The following NTRK3 variants were observed in gnomAD, a reference collection of about 807,000 sequenced individuals.
NTRK3 encodes neurotrophic receptor tyrosine kinase 3, also known as NT-3 growth factor receptor.
NTRK3 carries 24 observed loss-of-function variants against 91.7 expected under a neutral mutation model. The ratio of observed to expected loss-of-function variants is 0.26; its 90% CI spans 0.19 to 0.37. The LOEUF (loss-of-function observed/expected upper bound fraction) is 0.37, where lower values mean the gene tolerates loss of function less well. Among genes scored for constraint, NTRK3 ranks in the 10% least tolerant of loss-of-function variants. NTRK3 has a pLI of 1.00. For missense variants in NTRK3, 880 were observed against 1,068.9 expected (o/e 0.82, Z 2.46); for synonymous variants, 483 against 404.0 (o/e 1.20, Z -2.34).
chr15:87,979,078 T>C (rs962665526), intron 14 of NTRK3: 3 of 557,008 alleles, frequency 5.4e-6, no homozygotes, highest in African/African-American at 1.9e-5. Context: ...ATTCTCTTTA[T>C]TGGCTCTAAA....
chr15:88,033,135 C>T (rs1030825380), intron 13 of NTRK3, 90 bp from the exon 14 acceptor site: 1 of 1,102,516 alleles, frequency 9.1e-7, no homozygotes, highest in Admixed American at 2.3e-5. Context: ...ACTACTGTTC[C>T]CATCACAAAC....
intron 13 of NTRK3, among the ~76,000 whole-genome samples, chr15:88,035,479 T>C (rs2078992421): frequency 6.6e-6 from 1 of 152,182 alleles, no homozygotes; most frequent in African/African-American, 2.4e-5. Context: ...AATACATCTC[T>C]GGATGAATTC....
At chr15:88,126,581 G>A (rs377107578) in intron 12 of NTRK3, among the ~76,000 whole-genome samples, 1 of 152,194 alleles carries the variant, frequency 6.6e-6, no homozygotes, top group Non-Finnish European at 1.5e-5. Context: ...AATTTGATTA[G>A]AGAAAGTTCC....
intron 3 of NTRK3, among the ~76,000 whole-genome samples, chr15:88,187,158 G>A (rs1449912899): frequency 1.3e-5 from 2 of 152,142 alleles, no homozygotes; most frequent in Non-Finnish European, 2.9e-5. Flanking sequence ...TCAGGCTTCT[G>A]CTGGAAGTTG....
At chr15:88,222,866 G>A (rs1235773405) in intron 3 of NTRK3, among the ~76,000 whole-genome samples, 1 of 152,192 alleles carries the variant, frequency 6.6e-6, no homozygotes, top group African/African-American at 2.4e-5. Context: ...GAGGCTCAAT[G>A]ACTCACTGAA....
At chr15:88,003,292 C>A (rs376718591) in intron 14 of NTRK3, among the ~76,000 whole-genome samples, 17 of 152,154 alleles carry the variant, frequency 1.1e-4, no homozygotes, top group East Asian at 9.6e-4. Context: ...AACCTGTAGA[C>A]CTGCTGACCA....
At chr15:88,098,594 G>A (rs1053147237) in intron 13 of NTRK3, 1 of 230,680 alleles carries the variant, frequency 4.3e-6, no homozygotes, top group Non-Finnish European at 8.6e-6. Flanking sequence ...GAGGGCCCCA[G>A]ATAGCGGGCC....
At chr15:88,112,458 G>A (rs910724813) in intron 13 of NTRK3, among the ~76,000 whole-genome samples, 1 of 152,154 alleles carries the variant, frequency 6.6e-6, no homozygotes, top group Non-Finnish European at 1.5e-5. Flanking sequence ...CCTAGAGTCG[G>A]GATGTGGTTG....
At chr15:87,960,641 C>T (rs1001020257) in intron 14 of NTRK3, among the ~76,000 whole-genome samples, 7 of 152,098 alleles carry the variant, frequency 4.6e-5, no homozygotes, top group South Asian at 4.1e-4. Context: ...TGTGCCACTA[C>T]ACCTGGCTAA....
intron 17 of NTRK3, among the ~76,000 whole-genome samples, chr15:87,895,695 C>T (rs889681134): frequency 6.6e-6 from 1 of 152,118 alleles, no homozygotes; most frequent in African/African-American, 2.4e-5. Flanking sequence ...TGATAAGAAA[C>T]ATTTTACAAC....
intron 13 of NTRK3, among the ~76,000 whole-genome samples, chr15:88,110,734 T>C (rs1357643715): frequency 2.6e-5 from 4 of 151,774 alleles, no homozygotes; most frequent in African/African-American, 9.7e-5. Flanking sequence ...CTGGCAAGAG[T>C]GGAAACCCTA....
chr15:88,247,861 G>A (rs905564971), intron 3 of NTRK3, among the ~76,000 whole-genome samples: 4 of 152,212 alleles, frequency 2.6e-5, no homozygotes, highest in Middle Eastern at 3.4e-3. Flanking sequence ...GGGTAAGGTC[G>A]CGGGGGGATA....
chr15:87,980,802 G>A (rs1488253901), intron 14 of NTRK3, among the ~76,000 whole-genome samples: 2 of 152,154 alleles, frequency 1.3e-5, no homozygotes, highest in Non-Finnish European at 2.9e-5. Flanking sequence ...GAAGATAGAG[G>A]AAACCTTCCT....
intron 13 of NTRK3, among the ~76,000 whole-genome samples, chr15:88,033,541 C>T (rs900276076): frequency 6.6e-6 from 1 of 151,936 alleles, no homozygotes; most frequent in Non-Finnish European, 1.5e-5. Context: ...AAACTCCTGA[C>T]CTCAAGTGAT....
intron 3 of NTRK3, among the ~76,000 whole-genome samples, chr15:88,254,383 C>T (rs530337400): frequency 2.0e-5 from 3 of 152,132 alleles, no homozygotes; most frequent in East Asian, 1.9e-4. Flanking sequence ...TGCTGACCCC[C>T]GCCCCTTGGC....
intron 14 of NTRK3, among the ~76,000 whole-genome samples, chr15:87,996,988 T>C (rs2075753678): frequency 1.3e-5 from 2 of 152,356 alleles, no homozygotes; most frequent in South Asian, 2.1e-4. Context: ...GCAGCCCTGT[T>C]TCCTCTTCCT....
intron 14 of NTRK3, among the ~76,000 whole-genome samples, chr15:88,026,140 G>A (rs951179809): frequency 4.6e-5 from 7 of 151,870 alleles, no homozygotes; most frequent in South Asian, 2.1e-4. Flanking sequence ...GCGTGGTGGC[G>A]GGTGCCTGTA....
At chr15:88,082,146 C>G (rs534961546) in intron 13 of NTRK3, among the ~76,000 whole-genome samples, 1 of 151,992 alleles carries the variant, frequency 6.6e-6, no homozygotes. Flanking sequence ...GGCGTGGTGG[C>G]GCACACCTGT....
chr15:88,255,943 T>C lies in NTRK3; in HGVS notation c.211A>G (p.Ile71Val), dbSNP rs200923715. Reference sequence around the variant, plus strand: ...TTCCTTGAGATGTCCGTGATGTTGATACTGGCGTTCCCATTGCTGTTCCCT... The same window carrying C: ...TTCCTTGAGATGTCCGTGATGTTGACACTGGCGTTCCCATTGCTGTTCCCT... The change falls in exon 3 of 19, where the codon ATC becomes GTC. Residue 71 changes from isoleucine (I) to valine (V), a missense_variant. Physicochemically the swap from Ile to Val is conservative, Grantham distance 29. This residue lies in a region of NTRK3 where 743 missense variants were observed against 868.6 expected (regional missense o/e 0.86). Coordinates refer to ENST00000394480, the Ensembl canonical transcript of NTRK3. The surrounding 1 kb of genome is among the most constrained non-coding windows in gnomAD (Gnocchi z 4.3). The C allele has an allele frequency of 1.2e-4, 194 of 1,612,990 alleles. No homozygotes were observed. The highest frequency in any genetic ancestry group is 1.7e-4 in the Admixed American group (10 of 59,982).
Sources: gnomAD v4.1 joint callset for allele counts (sites outside exome capture counted in the v4.1 genomes callset) on GRCh38, gnomAD v4.1.1 for gene constraint, gnomAD v4.1.1 regional missense constraint, Gnocchi (gnomAD v3.1) non-coding constraint, MANE v1.5 for transcripts, NCBI Gene and HGNC (gene_info 2026-07-23, HGNC 2026-07-21) for gene names.